RHOBTB1: variants seen among roughly 807,000 people sequenced by gnomAD.
RHOBTB1 encodes rho-related BTB domain-containing protein 1.
In RHOBTB1, 40 loss-of-function variants were observed where a neutral mutation model predicts 71.6. That is an observed-to-expected ratio of 0.56 (90% CI 0.43 to 0.73). The LOEUF (loss-of-function observed/expected upper bound fraction) is 0.73, where lower values mean the gene tolerates loss of function less well. Among genes scored for constraint, RHOBTB1 ranks in the 30% least tolerant of loss-of-function variants. The pLI, the probability that RHOBTB1 is intolerant of heterozygous loss-of-function variation, is 0.00. For synonymous variants in RHOBTB1, 319 were observed against 334.9 expected, an observed-to-expected ratio of 0.95 and a Z score of 0.52; for missense variants, 797 against 894.0, an observed-to-expected ratio of 0.89 and a Z score of 1.38.
rs547993491 is a variant in RHOBTB1, at chr10:60,957,552, C to T, written c.-61-15698G>A. On this transcript the variant is annotated intron_variant, in intron 2 of 11. Coordinates refer to the RHOBTB1 transcript ENST00000357917. ...GTGGTGCAGCCACCACCAAGCCTTA[C>T]GGTCAATACAAATTCCCCTCTTCTC... Among the ~76,000 whole-genome samples, 27 of 152,172 alleles carry T rather than the reference C, an allele frequency of 1.8e-4. 1 individual carries two copies. The South Asian group carries it at 2.9e-3, about 16-fold the overall frequency.
At chr10:60,954,284 G>A (rs930905377) in intron 2 of RHOBTB1, among the ~76,000 whole-genome samples, 6 of 152,140 alleles carry the variant, frequency 3.9e-5, no homozygotes, top group African/African-American at 1.4e-4. Flanking sequence ...GAGTAAAAGA[G>A]TTTATGACAG....
At chr10:60,904,360 A>T (rs2082557105) in intron 4 of RHOBTB1, among the ~76,000 whole-genome samples, 1 of 152,220 alleles carries the variant, frequency 6.6e-6, no homozygotes, top group Non-Finnish European at 1.5e-5. Flanking sequence ...AACCATCATC[A>T]TGATCAAAAT....
Position 60,886,141 on chromosome 10 carries a change from C to A in RHOBTB1, c.1546G>T (p.Gly516Trp). ...SCEWMAAMFG[G>W]SFVESANSEV... ...CTGTTGGCACTTTCCACAAATGACC[C>A]CCCGAACATGGCTGCCATCCACTCA... The change falls in exon 7 of 11, where the codon GGG becomes TGG. Residue 516 changes from glycine (G) to tryptophan (W), a missense_variant. This residue lies in a region of RHOBTB1 where 658 missense variants were observed against 681.5 expected (regional missense o/e 0.97). Transcript: ENST00000337910. 6.2e-7 allele frequency: 1 copy of A among 1,614,062 alleles called. No individual in the cohort carries two copies. The highest frequency in any genetic ancestry group is 8.5e-7 in the Non-Finnish European group (1 of 1,179,958).
intron 6 of RHOBTB1, among the ~76,000 whole-genome samples, chr10:60,886,886 T>G (rs1302768105): frequency 1.3e-5 from 2 of 152,020 alleles, no homozygotes; most frequent in East Asian, 3.9e-4. Flanking sequence ...AGACTTTTTT[T>G]TTTTTACAGA....
intron 7 of RHOBTB1, among the ~76,000 whole-genome samples, chr10:60,882,331 C>A (rs758505005): frequency 6.6e-6 from 1 of 151,966 alleles, no homozygotes; most frequent in African/African-American, 2.4e-5. Context: ...TAATTAGAGG[C>A]AGTCTCATAG....
At chr10:60,875,092 C>T (rs1438016763) in intron 8 of RHOBTB1, 50 bp from the exon 9 acceptor site, 1 of 1,417,420 alleles carries the variant, frequency 7.1e-7, no homozygotes, top group South Asian at 1.1e-5. Context: ...CCCTGCGAGC[C>T]AGGTAGCTTG....
intron 2 of RHOBTB1, among the ~76,000 whole-genome samples, chr10:60,976,125 C>G (rs1358684361): frequency 6.6e-6 from 1 of 151,856 alleles, no homozygotes; most frequent in South Asian, 2.1e-4. Context: ...TAAATGCCAT[C>G]GAAAAAGTCT....
chr10:60,937,856 G>A (rs1009878378), intron 2 of RHOBTB1, among the ~76,000 whole-genome samples: 4 of 152,138 alleles, frequency 2.6e-5, no homozygotes, highest in Admixed American at 1.3e-4. Context: ...AGATACTCTA[G>A]GAAGGCTAAG....
chr10:60,986,545 G>A (rs2086676356), intron 1 of RHOBTB1, among the ~76,000 whole-genome samples: 1 of 150,826 alleles, frequency 6.6e-6, no homozygotes, highest in Admixed American at 6.6e-5. Flanking sequence ...CTATTCTTAG[G>A]AGAAACCCTG....
intron 5 of RHOBTB1, among the ~76,000 whole-genome samples, chr10:60,891,499 C>G (rs2081917524): frequency 6.6e-6 from 1 of 151,670 alleles, no homozygotes; most frequent in Non-Finnish European, 1.5e-5. Context: ...CACCACCAGT[C>G]CTGGCTGATT....
intron 2 of RHOBTB1, among the ~76,000 whole-genome samples, chr10:60,970,398 A>G (rs1473458377): frequency 1.3e-5 from 2 of 152,108 alleles, no homozygotes; most frequent in African/African-American, 4.8e-5. Flanking sequence ...TTCAAGAGAC[A>G]GGAATATTAA....
At chr10:60,966,270 T>A (rs2085953569) in intron 2 of RHOBTB1, among the ~76,000 whole-genome samples, 2 of 152,016 alleles carry the variant, frequency 1.3e-5, no homozygotes, top group Admixed American at 1.3e-4. Flanking sequence ...ACAAAGTGAC[T>A]TTTCAGGTTA....
upstream of RHOBTB1, among the ~76,000 whole-genome samples, chr10:60,947,671 T>C (rs2085282737): frequency 6.6e-6 from 1 of 152,242 alleles, no homozygotes; most frequent in Non-Finnish European, 1.5e-5. Flanking sequence ...TTCCTTATTA[T>C]TGCTGAATTA....
At chr10:60,946,871 T>G (rs539835676), upstream of RHOBTB1, among the ~76,000 whole-genome samples, 83 of 152,318 alleles carry the variant, frequency 5.4e-4, 1 homozygote, top group African/African-American at 1.9e-3. Flanking sequence ...TGGAATTACC[T>G]AGTTGAATGC....
At chr10:60,979,503 A>G (rs1028903731) in intron 2 of RHOBTB1, among the ~76,000 whole-genome samples, 3 of 152,208 alleles carry the variant, frequency 2.0e-5, no homozygotes, top group African/African-American at 7.2e-5. Flanking sequence ...TACAATCACT[A>G]TATTGCAGAA....
rs188645096 is a variant in RHOBTB1 at position 60,971,619 on chromosome 10, C to T, written c.-62+14226G>A. On this transcript the variant is annotated intron_variant, in intron 2 of 11. Coordinates refer to the RHOBTB1 transcript ENST00000357917. ...AGAAGAAAACCTTGACAATACCATT[C>T]AGAACACAGGCATGGGCAAAGACTT... 2.6e-3 allele frequency among the ~76,000 whole-genome samples: 394 copies of T among 152,256 alleles called. 2 individuals are homozygous for T. The highest frequency in any genetic ancestry group is 9.0e-3 in the African/African-American group (374 of 41,554).
At chr10:60,976,276 G>A (rs1423730868) in intron 2 of RHOBTB1, among the ~76,000 whole-genome samples, 1 of 151,450 alleles carries the variant, frequency 6.6e-6, no homozygotes, top group Non-Finnish European at 1.5e-5. Flanking sequence ...TATTTAATTT[G>A]TACTCGAATA....
At chr10:60,890,366 C>G (rs1016951008) in intron 5 of RHOBTB1, among the ~76,000 whole-genome samples, 3 of 152,076 alleles carry the variant, frequency 2.0e-5, no homozygotes, top group African/African-American at 7.2e-5. Context: ...ACAACTATGA[C>G]CTGGCGGCAG....
downstream of RHOBTB1, among the ~76,000 whole-genome samples, chr10:60,865,779 T>C (rs980895031): frequency 1.8e-4 from 28 of 152,198 alleles, 1 homozygote; most frequent in African/African-American, 5.8e-4. Flanking sequence ...TTCCCACACA[T>C]GCCTATCACC....
Sources: allele counts gnomAD v4.1 joint callset (sites outside exome capture counted in the v4.1 genomes callset), GRCh38; gene constraint gnomAD v4.1.1; regional missense constraint gnomAD v4.1.1; transcripts MANE v1.5; gene names NCBI Gene and HGNC (gene_info 2026-07-23, HGNC 2026-07-21).